Variants in KCNIP4 observed in about 807,000 individuals in gnomAD.
KCNIP4 encodes the protein potassium voltage-gated channel interacting protein 4.
Under a neutral mutation model 34.0 loss-of-function variants are expected in KCNIP4, and 12 were observed. The ratio of observed to expected loss-of-function variants is 0.35; its 90% CI spans 0.23 to 0.57. The LOEUF (loss-of-function observed/expected upper bound fraction) is 0.57, where lower values mean the gene tolerates loss of function less well. KCNIP4 is among the 20% of genes least tolerant of loss of function. The probability of loss-of-function intolerance (pLI) is 0.83; values close to 1 mark genes in which losing one functional copy is unlikely to be tolerated. For synonymous variants in KCNIP4, 124 were observed against 102.2 expected, an observed-to-expected ratio of 1.21 and a Z score of -1.29; for missense variants, 238 against 311.7, an observed-to-expected ratio of 0.76 and a Z score of 1.78.
chr4:21,665,140 G>T (rs1022141028), intron 1 of KCNIP4, among the ~76,000 whole-genome samples: 5 of 152,100 alleles, frequency 3.3e-5, no homozygotes, highest in African/African-American at 1.2e-4. Flanking sequence ...TTATTTTTCA[G>T]AAAGAAATAA....
intron 1 of KCNIP4, among the ~76,000 whole-genome samples, chr4:21,496,392 A>C (rs1732852094): frequency 6.6e-6 from 1 of 152,210 alleles, no homozygotes; most frequent in South Asian, 2.1e-4. Flanking sequence ...TTGGGGACAC[A>C]GAATCAGAAA....
At chr4:21,448,578 C>G (rs558079476) in intron 1 of KCNIP4, among the ~76,000 whole-genome samples, 37 of 152,158 alleles carry the variant, frequency 2.4e-4, no homozygotes, top group African/African-American at 8.7e-4. Context: ...GAGGAAGAAA[C>G]TGTTAAGCAA....
intron 1 of KCNIP4, among the ~76,000 whole-genome samples, chr4:21,107,826 C>G (rs1316358732): frequency 6.6e-6 from 1 of 151,284 alleles, no homozygotes; most frequent in Admixed American, 6.6e-5. Context: ...ATTTGCTTGT[C>G]TGTAAAGTAT....
chr4:21,292,802 A>G (rs1436212251), intron 1 of KCNIP4, among the ~76,000 whole-genome samples: 2 of 152,182 alleles, frequency 1.3e-5, no homozygotes, highest in African/African-American at 4.8e-5. Context: ...TCCCTAGCAT[A>G]TAATGCAGAG....
At chr4:21,209,035 G>T (rs1412784062) in intron 1 of KCNIP4, among the ~76,000 whole-genome samples, 4 of 152,084 alleles carry the variant, frequency 2.6e-5, no homozygotes, top group African/African-American at 9.7e-5. Context: ...GACACTCAGG[G>T]ATTATAAGGA....
intron 1 of KCNIP4, among the ~76,000 whole-genome samples, chr4:21,224,285 GCCT>G (rs1388033677): frequency 6.6e-6 from 1 of 152,194 alleles, no homozygotes; most frequent in East Asian, 2.0e-4. Flanking sequence ...TCTGGTGAGG[GCCT>G]GCTTCCTGTC....
intron 1 of KCNIP4, among the ~76,000 whole-genome samples, chr4:21,722,653 T>C (rs11730531): frequency 0.095 from 14,381 of 152,174 alleles, 706 homozygotes; most frequent in Middle Eastern, 0.18. Flanking sequence ...ATTCAAATTA[T>C]AAAAGCAAAT....
intron 7 of KCNIP4, 47 bp downstream of exon 7, chr4:20,732,634 A>T: frequency 7.9e-7 from 1 of 1,260,646 alleles, no homozygotes; most frequent in Non-Finnish European, 1.2e-6. Context: ...ACATCAGGAA[A>T]TTTTCTCCTA....
At chr4:21,009,044 G>A (rs7692236) in intron 1 of KCNIP4, among the ~76,000 whole-genome samples, 21,348 of 152,098 alleles carry the variant, frequency 0.14, 1,740 homozygotes, top group South Asian at 0.19. Flanking sequence ...ATAATACAGA[G>A]GCAGATGTTT....
intron 1 of KCNIP4, among the ~76,000 whole-genome samples, chr4:21,735,095 T>C (rs916308737): frequency 3.9e-5 from 6 of 152,008 alleles, no homozygotes; most frequent in Admixed American, 3.3e-4. Context: ...TGAGATAACA[T>C]CCTTTTCCTT....
At chr4:20,797,689 A>T (rs976538100) in intron 3 of KCNIP4, among the ~76,000 whole-genome samples, 18 of 152,196 alleles carry the variant, frequency 1.2e-4, no homozygotes, top group African/African-American at 4.3e-4. Flanking sequence ...GTTGGTTTAA[A>T]GGTAGAGGGG....
At chr4:21,598,690 A>G (rs1742849152) in intron 1 of KCNIP4, among the ~76,000 whole-genome samples, 2 of 151,998 alleles carry the variant, frequency 1.3e-5, no homozygotes, top group Non-Finnish European at 2.9e-5. Context: ...CCCCAAAAAG[A>G]TCTGAGATTT....
At chr4:20,913,275 T>A (rs6447997) in intron 1 of KCNIP4, among the ~76,000 whole-genome samples, 1 of 151,966 alleles carries the variant, frequency 6.6e-6, no homozygotes, top group Non-Finnish European at 1.5e-5. Context: ...AAAAAAGAAG[T>A]CCGACTCAAA....
chr4:21,518,608 C>T (rs1015762250), intron 1 of KCNIP4, among the ~76,000 whole-genome samples: 11 of 152,126 alleles, frequency 7.2e-5, no homozygotes, highest in Admixed American at 2.6e-4. Context: ...ATTACCACGG[C>T]GGATGAAAAT....
intron 1 of KCNIP4, among the ~76,000 whole-genome samples, chr4:21,012,548 C>G (rs1739147703): frequency 6.6e-6 from 1 of 152,162 alleles, no homozygotes; most frequent in Admixed American, 6.5e-5. Context: ...GCCTGGGTGA[C>G]AGAGTAAGAC....
chr4:20,773,146 G>C lies in KCNIP4; in HGVS notation c.289-14256C>G, dbSNP rs116299772. Among the ~76,000 whole-genome samples the C allele has an allele frequency of 7.1e-3, 1,084 of 151,906 alleles. 8 individuals carry two copies. The highest frequency in any genetic ancestry group is 0.025 in the African/African-American group (1,025 of 41,408). On this transcript the variant is annotated intron_variant, in intron 3 of 8. Coordinates refer to ENST00000382152, the MANE Select transcript of KCNIP4 (RefSeq NM_025221.6). ...AGCTTTTGGAATCTAACAGCCCCTC[G>C]CTTATGAGCCACTCATATCACTTAC...
chr4:21,262,187 AG>A, intron 1 of KCNIP4, among the ~76,000 whole-genome samples: 1 of 152,020 alleles, frequency 6.6e-6, no homozygotes, highest in Admixed American at 6.6e-5. Context: ...TCTACACAAG[AG>A]TGGATCCTGC....
chr4:21,415,561 G>A lies in KCNIP4; in HGVS notation c.62-532852C>T, dbSNP rs111723080. Among the ~76,000 whole-genome samples, 1,160 of 151,954 alleles carry A rather than the reference G, an allele frequency of 7.6e-3. 13 individuals are homozygous for A. Among genetic ancestry groups the A allele is most frequent in the African/African-American group, 0.026 (1,094 of 41,440 alleles). ...ACAAAAAAAAAAAAAAATTAGCCAGGTGTGGTGGCGCACGCTTGTAATCCC... is the reference window on the plus strand; with the variant it reads ...ACAAAAAAAAAAAAAAATTAGCCAGATGTGGTGGCGCACGCTTGTAATCCC... On this transcript the variant is annotated intron_variant, in intron 1 of 8. Coordinates refer to ENST00000382152, the MANE Select transcript of KCNIP4 (RefSeq NM_025221.6).
chr4:21,573,817 C>A (rs1028056825), intron 1 of KCNIP4, among the ~76,000 whole-genome samples: 3 of 152,152 alleles, frequency 2.0e-5, no homozygotes, highest in African/African-American at 2.4e-5. Context: ...CCTGACATAG[C>A]TGATAACTAA....
Sources: allele counts gnomAD v4.1 joint callset (sites outside exome capture counted in the v4.1 genomes callset), GRCh38; gene constraint gnomAD v4.1.1; transcripts MANE v1.5; gene names NCBI Gene and HGNC (gene_info 2026-07-23, HGNC 2026-07-21).